Variants in REG4 observed in about 807,000 individuals in gnomAD.
REG4 encodes regenerating family member 4, also known as regenerating islet-derived protein 4.
REG4 carries 16 observed loss-of-function variants against 22.3 expected under a neutral mutation model. That is an observed-to-expected ratio of 0.72 (90% confidence interval 0.49 to 1.09). The LOEUF (loss-of-function observed/expected upper bound fraction) is 1.09. Ranked by LOEUF, REG4 falls within the 50% of genes least tolerant of loss-of-function variation. The probability of loss-of-function intolerance (pLI) is 0.00; values close to 1 mark genes in which losing one functional copy is unlikely to be tolerated. For missense variants in REG4, 214 were observed against 193.9 expected (o/e 1.10, Z -0.61); for synonymous variants, 71 against 69.2 (o/e 1.03, Z -0.13).
In REG4 at chr1:119,799,812, A is replaced by T. The variant is rs754764217; in HGVS notation, c.216T>A (p.Ser72Arg). Residue 72 changes from serine to arginine, a missense_variant, in exon 4 of 6, where the codon AGT becomes AGA. Coordinates refer to ENST00000256585, the MANE Select transcript of REG4 (RefSeq NM_032044.4). ...GNGAHLASIL[S>R]LKEASTIAEY... Reference sequence around the variant, plus strand: ...CTGCTATGGTGCTGGCTTCCTTTAAACTCAGGATAGATGCCAGGTGGGCTC... The same window carrying T: ...CTGCTATGGTGCTGGCTTCCTTTAATCTCAGGATAGATGCCAGGTGGGCTC... The T allele has an allele frequency of 6.2e-7, 1 of 1,614,026 alleles. No individual in the cohort carries two copies. Among genetic ancestry groups the T allele is most frequent in the Non-Finnish European group, 8.5e-7 (1 of 1,180,006 alleles).
At position 119,795,780 on chromosome 1, in the gene REG4, G is replaced by A. The variant is rs150129059; in HGVS notation, c.410-1095C>T. ...TAGTGCTCAGCGCAGGAGCCACAGA[G>A]TATAAATGAAACAGGGCCTGCAAGC... On this transcript the variant is annotated intron_variant, in intron 5 of 5. Transcript: ENST00000256585. Among the ~76,000 whole-genome samples, 1,215 of 152,354 alleles carry A rather than the reference G, an allele frequency of 8.0e-3. 7 individuals carry two copies. Among genetic ancestry groups the A allele is most frequent in the Middle Eastern group, 0.02 (6 of 294 alleles).
intron 2 of REG4, among the ~76,000 whole-genome samples, chr1:119,805,372 G>C (rs1368227048): frequency 6.6e-6 from 1 of 152,086 alleles, no homozygotes; most frequent in Non-Finnish European, 1.5e-5. Context: ...TTTGGCCCGA[G>C]GACAAAGACC....
At chr1:119,802,688 ACAC>A (rs1218610511) in intron 3 of REG4, 31 of 1,421,622 alleles carry the variant, frequency 2.2e-5, no homozygotes, top group Non-Finnish European at 2.8e-5. Flanking sequence ...GCATGTCTAC[ACAC>A]CACTCTCTTT....
At chr1:119,796,795 C>T (rs1653949379) in intron 5 of REG4, among the ~76,000 whole-genome samples, 1 of 152,170 alleles carries the variant, frequency 6.6e-6, no homozygotes, top group South Asian at 2.1e-4. Flanking sequence ...GCTTCTGGTT[C>T]CCATCCACAC....
At chr1:119,800,653 C>A (rs1654073085) in intron 3 of REG4, among the ~76,000 whole-genome samples, 1 of 152,214 alleles carries the variant, frequency 6.6e-6, no homozygotes. Context: ...GAATAACACA[C>A]TGTAAATTGT....
intron 1 of REG4, among the ~76,000 whole-genome samples, chr1:119,809,354 T>TCTGACTCC (rs1654428585): frequency 6.6e-6 from 1 of 152,086 alleles, no homozygotes; most frequent in Admixed American, 6.5e-5. Context: ...ACACCAGCTA[T>TCTGACTCC]AAGCAGATCT....
At chr1:119,802,467 T>C (rs1185484766) in intron 3 of REG4, 1 of 1,011,794 alleles carries the variant, frequency 9.9e-7, no homozygotes, top group Non-Finnish European at 1.2e-6. Context: ...TGTACCTATA[T>C]GGCTCCCCCA....
At chr1:119,799,612 C>G in intron 4 of REG4, 113 bp downstream of exon 4, 1 of 1,381,100 alleles carries the variant, frequency 7.2e-7, no homozygotes, top group South Asian at 1.4e-5. Flanking sequence ...GGAGGCACAT[C>G]TGGAGAAGAT....
At chr1:119,804,127 T>G (rs1023131073) in intron 2 of REG4, among the ~76,000 whole-genome samples, 7 of 152,216 alleles carry the variant, frequency 4.6e-5, no homozygotes, top group African/African-American at 1.7e-4. Flanking sequence ...GTGTAGGCTT[T>G]GTGACTATGT....
chr1:119,799,967 C>T, intron 3 of REG4, 105 bp from the exon 4 acceptor site: 2 of 1,399,982 alleles, frequency 1.4e-6, no homozygotes, highest in Non-Finnish European at 2.0e-6. Flanking sequence ...GCAGCCCCCA[C>T]TTCCTCCACA....
chr1:119,795,834 AG>A (rs1653923094), intron 5 of REG4, among the ~76,000 whole-genome samples: 2 of 152,264 alleles, frequency 1.3e-5, no homozygotes. Context: ...TGTGGGGCAA[AG>A]AGAATACGGC....
chr1:119,809,719 G>A (rs1031770524), intron 1 of REG4, among the ~76,000 whole-genome samples: 1 of 151,872 alleles, frequency 6.6e-6, no homozygotes, highest in African/African-American at 2.4e-5. Flanking sequence ...TAGGGTTGTG[G>A]CATCACACAA....
chr1:119,802,358 T>C (rs1177218753), intron 3 of REG4: 3 of 986,062 alleles, frequency 3.0e-6, no homozygotes, highest in Non-Finnish European at 3.6e-6. Flanking sequence ...TGGTAGGTGC[T>C]TCGTTCTTGT....
chr1:119,796,093 C>T (rs778711368), intron 5 of REG4, among the ~76,000 whole-genome samples: 18 of 152,162 alleles, frequency 1.2e-4, no homozygotes, highest in Admixed American at 4.6e-4. Flanking sequence ...CTAGCTTGCA[C>T]GTGATAAGCA....
At chr1:119,796,799 T>C (rs1261753026) in intron 5 of REG4, among the ~76,000 whole-genome samples, 1 of 152,148 alleles carries the variant, frequency 6.6e-6, no homozygotes, top group East Asian at 1.9e-4. Context: ...CTGGTTCCCA[T>C]CCACACAACA....
chr1:119,802,950 G>A (rs866704599), intron 3 of REG4, 118 bp downstream of exon 3: 8 of 1,567,144 alleles, frequency 5.1e-6, no homozygotes, highest in Non-Finnish European at 6.1e-6. Context: ...ACCAGCCAAA[G>A]GGGCTTCTCT....
chr1:119,810,751 T>C (rs1350205966), intron 1 of REG4, among the ~76,000 whole-genome samples: 1 of 152,178 alleles, frequency 6.6e-6, no homozygotes, highest in East Asian at 1.9e-4. Flanking sequence ...GCATGTCATG[T>C]TCATAAGTAA....
chr1:119,804,436 T>C (rs1654227858), intron 2 of REG4, among the ~76,000 whole-genome samples: 3 of 152,208 alleles, frequency 2.0e-5, no homozygotes, highest in Admixed American at 1.3e-4. Context: ...GGAACACGAA[T>C]GCTCAGTGTA....
At chr1:119,807,653 C>A (rs1654363968) in intron 2 of REG4, among the ~76,000 whole-genome samples, 3 of 152,184 alleles carry the variant, frequency 2.0e-5, no homozygotes, top group Admixed American at 2.0e-4. Context: ...GTTTCCTTTG[C>A]ATGGCTGAGT....
Sources: allele counts gnomAD v4.1 joint callset (sites outside exome capture counted in the v4.1 genomes callset), GRCh38; gene constraint gnomAD v4.1.1; transcripts MANE v1.5; gene names NCBI Gene and HGNC (gene_info 2026-07-23, HGNC 2026-07-21).